The following GALR1 variants were observed in gnomAD, a reference collection of about 807,000 sequenced individuals.
GALR1 encodes galanin receptor type 1.
A neutral mutation model predicts 17.9 loss-of-function variants in GALR1; 11 were observed. That is an observed-to-expected ratio of 0.62 (90% CI 0.39 to 1.02). The LOEUF (loss-of-function observed/expected upper bound fraction) is 1.02. Ranked by LOEUF, GALR1 falls within the 50% of genes least tolerant of loss-of-function variation. The pLI, the probability that GALR1 is intolerant of heterozygous loss-of-function variation, is 0.01. For missense variants in GALR1, 441 were observed against 456.9 expected, an observed-to-expected ratio of 0.97 and a Z score of 0.32; for synonymous variants, 206 against 205.7, an observed-to-expected ratio of 1.00 and a Z score of -0.01.
intron 1 of GALR1, among the ~76,000 whole-genome samples, chr18:77,252,923 TCACCACCACCACCACCACCACCAC>T (rs1912475884): frequency 3.5e-5 from 3 of 84,690 alleles, no homozygotes; most frequent in African/African-American, 4.9e-5. Flanking sequence ...ACCACCACCA[TCACCACCACCACCACCACCACCAC>T]CATCACCACC....
Position 77,271,247 on chromosome 18 carries a change from C to CCG in GALR1, c.*2346_*2347insGC, listed in dbSNP as rs1491128795. The CCG allele has an allele frequency of 5.9e-5, 2 of 34,138 alleles. No homozygotes were observed. Among genetic ancestry groups the CCG allele is most frequent in the Non-Finnish European group, 9.9e-5 (2 of 20,206 alleles). 2.1% of individuals were successfully genotyped at this position (34,138 alleles called of 1,614,324 possible). On this transcript the variant is annotated 3_prime_UTR_variant, in exon 3 of 3. Transcript: ENST00000299727. ...AAAAAGTAATAGCTTGCGCTTGAAA[C>CCG]CCCCCCCCCCCCGCCACTTTGCTAA...
intron 2 of GALR1, among the ~76,000 whole-genome samples, chr18:77,262,820 T>C (rs542510090): frequency 2.6e-5 from 4 of 152,360 alleles, no homozygotes; most frequent in Non-Finnish European, 5.9e-5. Context: ...TGTAATTCCA[T>C]CTCATTTCAA....
At position 77,268,751 on chromosome 18, in the gene GALR1, C is replaced by G. The variant is rs371953398; in HGVS notation, c.899C>G (p.Pro300Arg). The G allele has an allele frequency of 6.2e-7, 1 of 1,614,034 alleles. No individual in the cohort carries two copies. Among genetic ancestry groups the G allele is most frequent in the Non-Finnish European group, 8.5e-7 (1 of 1,180,044 alleles). Reference protein sequence around the residue: ...CLAYSNSSVNPIIYAFLSENF... With the variant: ...CLAYSNSSVNRIIYAFLSENF... ...GCGTACAGCAATTCCTCCGTGAATC[C>G]TATCATTTATGCATTTCTCTCTGAA... Residue 300 changes from proline (P) to arginine (R), a missense_variant, in exon 3 of 3, where the codon CCT (proline) becomes CGT (arginine). Coordinates refer to ENST00000299727, the MANE Select transcript of GALR1 (RefSeq NM_001480.4).
Position 77,255,606 on chromosome 18 carries a change from C to T in GALR1, c.667-552C>T, listed in dbSNP as rs1490333350. On this transcript the variant is annotated intron_variant, in intron 1 of 2. Transcript: ENST00000299727. ...AGAGGAAGGAGAAAGAATATTTTGG[C>T]ACAAACGCTGGCAATATTTGGGTTG... Among the ~76,000 whole-genome samples, 4 of 152,282 alleles carry T rather than the reference C, an allele frequency of 2.6e-5. No homozygotes were observed. In the East Asian group the frequency reaches 7.7e-4, roughly 29 times the overall value.
intron 2 of GALR1, among the ~76,000 whole-genome samples, chr18:77,256,712 G>A (rs1447561827): frequency 6.6e-6 from 1 of 152,200 alleles, no homozygotes; most frequent in Non-Finnish European, 1.5e-5. Context: ...TCACCCACAT[G>A]TGCTGACTCT....
chr18:77,250,552 G>A lies in GALR1; in HGVS notation c.4G>A (p.Glu2Lys). 6.6e-7 allele frequency: 1 copy of A among 1,526,350 alleles called. No homozygotes were observed. Among genetic ancestry groups the A allele is most frequent in the Non-Finnish European group, 8.8e-7 (1 of 1,142,162 alleles). The allele number at this position is 1,526,350 out of a possible 1,614,324, so 94.6% of individuals were successfully genotyped here. A position where few individuals can be genotyped will look rare whatever the true frequency, so the allele number is the denominator to read the frequency against. The change falls in exon 1 of 3, where the codon GAG becomes AAG. Residue 2 changes from glutamate (E) to lysine (K), a missense_variant. Physicochemically the swap from Glu to Lys is moderately conservative, Grantham distance 56. Coordinates refer to ENST00000299727, the MANE Select transcript of GALR1 (RefSeq NM_001480.4). M[E>K]LAVGNLSEGN... ...CGCCGGGACAGCCCCGCGGGCCATG[G>A]AGCTGGCGGTCGGGAACCTCAGCGA...
intron 1 of GALR1, among the ~76,000 whole-genome samples, chr18:77,255,722 T>A (rs1912572012): frequency 6.6e-6 from 1 of 152,228 alleles, no homozygotes; most frequent in Non-Finnish European, 1.5e-5. Context: ...AGGGCAAATC[T>A]CTAGTTTTTC....
intron 2 of GALR1, among the ~76,000 whole-genome samples, chr18:77,264,760 G>A (rs1263617839): frequency 6.6e-6 from 1 of 152,176 alleles, no homozygotes; most frequent in Non-Finnish European, 1.5e-5. Flanking sequence ...ATGGCAGCAG[G>A]AAGGAGAAGA....
chr18:77,267,637 TA>T (rs1912971773), intron 2 of GALR1, among the ~76,000 whole-genome samples: 2 of 152,196 alleles, frequency 1.3e-5, no homozygotes. Flanking sequence ...TTTTATAGTT[TA>T]AAAAATACTA....
chr18:77,266,810 C>T (rs1912952420), intron 2 of GALR1, among the ~76,000 whole-genome samples: 1 of 152,176 alleles, frequency 6.6e-6, no homozygotes, highest in Admixed American at 6.5e-5. Context: ...GTAACTGCCC[C>T]CATGATTCAA....
chr18:77,256,507 A>C (rs913687383), intron 2 of GALR1, among the ~76,000 whole-genome samples: 1 of 39,402 alleles, frequency 2.5e-5, no homozygotes, highest in Non-Finnish European at 4.8e-5. Flanking sequence ...AGGTGAGTGC[A>C]CTTAGGTTGA....
Position 77,261,764 on chromosome 18 carries a change from T to C in GALR1, c.732+5541T>C, listed in dbSNP as rs564120314. On this transcript the variant is annotated intron_variant, in intron 2 of 2. Transcript: ENST00000299727. Reference sequence around the variant, plus strand: ...TAAATTGAGGTGGGGAAGACAACTTTCCTTTTGTTGTGACTTTTATGTAAT... The same window carrying C: ...TAAATTGAGGTGGGGAAGACAACTTCCCTTTTGTTGTGACTTTTATGTAAT... 3.3e-5 allele frequency among the ~76,000 whole-genome samples: 5 copies of C among 152,282 alleles called. No homozygotes were observed. The South Asian group carries it at 8.3e-4, about 25-fold the overall frequency.
Position 77,274,997 on chromosome 18 carries a change from T to A in GALR1, c.*6095T>A, listed in dbSNP as rs1257133712. The A allele has an allele frequency of 6.6e-6, 1 of 152,216 alleles. No individual in the cohort carries two copies. Among genetic ancestry groups the A allele is most frequent in the Non-Finnish European group, 1.5e-5 (1 of 68,040 alleles). The allele number at this position is 152,216 out of a possible 1,614,324, so 9.4% of individuals were successfully genotyped here. On this transcript the variant is annotated 3_prime_UTR_variant, in exon 3 of 3. Transcript: ENST00000299727. Reference sequence around the variant, plus strand: ...TGTTGTTCTGTTTGGACTTAGGACTTTTTTCCTGGCTATCCTGCCAATACT... The same window carrying A: ...TGTTGTTCTGTTTGGACTTAGGACTATTTTCCTGGCTATCCTGCCAATACT...
chr18:77,259,020 GGTGTTGGTGGTGGTC>G (rs1912723059), intron 2 of GALR1, among the ~76,000 whole-genome samples: 1 of 43,646 alleles, frequency 2.3e-5, no homozygotes, highest in Non-Finnish European at 5.6e-5. Context: ...TGGTGGTGTT[GGTGTTGGTGGTGGTC>G]ATGATGGTCA....
At position 77,258,734 on chromosome 18, in the gene GALR1, G is replaced by GTGA. The variant is rs1174308319; in HGVS notation, c.732+2517_732+2519dup. 4.1e-5 allele frequency among the ~76,000 whole-genome samples: 6 copies of GTGA among 145,550 alleles called. No homozygotes were observed. In the East Asian group the frequency reaches 1.2e-3, roughly 30 times the overall value. ...GGTGGTGCTGGTGATGGTGGTGATG[G>GTGA]TGATGATGGTTATGGTGGTGATGAT... On this transcript the variant is annotated intron_variant, in intron 2 of 2. Transcript: ENST00000299727.
intron 1 of GALR1, among the ~76,000 whole-genome samples, chr18:77,252,881 T>TCACCACCAC (rs1568138972): frequency 0.021 from 1,139 of 54,974 alleles, 41 homozygotes; most frequent in Non-Finnish European, 0.031. Context: ...ACCACCACCA[T>TCACCACCAC]CACCACCACC....
chr18:77,258,856 GGTGGTGGT>G (rs2144957779), intron 2 of GALR1, among the ~76,000 whole-genome samples: 1 of 132,388 alleles, frequency 7.6e-6, no homozygotes, highest in African/African-American at 3.2e-5. Flanking sequence ...TGGTGGTGAT[GGTGGTGGT>G]GATGGTGGTG....
chr18:77,260,572 A>T (rs1912809870), intron 2 of GALR1, among the ~76,000 whole-genome samples: 2 of 152,176 alleles, frequency 1.3e-5, no homozygotes, highest in Admixed American at 1.3e-4. Context: ...TGGGGACATA[A>T]ACTTTGAGAT....
At position 77,270,261 on chromosome 18, in the gene GALR1, C is replaced by T. The variant is rs1913036603; in HGVS notation, c.*1359C>T. 6.6e-6 allele frequency: 1 copy of T among 151,876 alleles called. No homozygotes were observed. The highest frequency in any genetic ancestry group is 1.5e-5 in the Non-Finnish European group (1 of 68,006). 9.4% of individuals were successfully genotyped at this position (151,876 alleles called of 1,614,324 possible). A position where few individuals can be genotyped will look rare whatever the true frequency, so the allele number is the denominator to read the frequency against. ...AGCACAGTGGCTCATGCCTGTAATT[C>T]CAGCACTTTGGGAGGTCCAGCTGTG... On this transcript the variant is annotated 3_prime_UTR_variant, in exon 3 of 3. Coordinates refer to ENST00000299727, the MANE Select transcript of GALR1 (RefSeq NM_001480.4).
Sources: gnomAD v4.1 joint callset for allele counts (sites outside exome capture counted in the v4.1 genomes callset) on GRCh38, gnomAD v4.1.1 for gene constraint, MANE v1.5 for transcripts, NCBI Gene and HGNC (gene_info 2026-07-23, HGNC 2026-07-21) for gene names.